The following ATP8B3 variants were observed in gnomAD, a reference collection of about 807,000 sequenced individuals.
The protein encoded by ATP8B3 is ATPase phospholipid transporting 8B3, also known as phospholipid-transporting ATPase IK.
A neutral mutation model predicts 140.9 loss-of-function variants in ATP8B3; 141 were observed. That is an observed-to-expected ratio of 1.00 (90% confidence interval 0.87 to 1.15). The LOEUF is 1.15. Among genes scored for constraint, ATP8B3 ranks in the 50% most tolerant of loss-of-function variants. ATP8B3 has a pLI of 0.00. For synonymous variants in ATP8B3, 765 were observed against 714.6 expected, an observed-to-expected ratio of 1.07 and a Z score of -1.13; for missense variants, 1,874 against 1,740.6, an observed-to-expected ratio of 1.08 and a Z score of -1.36.
chr19:1,804,651 C>T (rs538065954), intron 10 of ATP8B3, among the ~76,000 whole-genome samples: 9 of 151,298 alleles, frequency 5.9e-5, no homozygotes, highest in East Asian at 1.9e-4. Flanking sequence ...ATTAAAAATA[C>T]AAAAATTAGC....
chr19:1,793,490 CCCCT>C (rs2068578316), intron 18 of ATP8B3, among the ~76,000 whole-genome samples: 1 of 152,194 alleles, frequency 6.6e-6, no homozygotes, highest in Non-Finnish European at 1.5e-5. Context: ...CAGTCCCAGG[CCCCT>C]CCCTCTGACC....
At chr19:1,785,123 C>T in intron 27 of ATP8B3, 36 bp downstream of exon 27, 2 of 1,510,670 alleles carry the variant, frequency 1.3e-6, no homozygotes, top group South Asian at 1.3e-5. Flanking sequence ...TCCCCTGCAC[C>T]ACGACCGCCC....
In ATP8B3 at chr19:1,809,131, G is replaced by A. The variant is rs374636058; in HGVS notation, c.402+512C>T. ...AGAGGTTGCAGTGAGCCGAGATCTC[G>A]CCACTGCATTCCAGCCTGGGCGACA... On this transcript the variant is annotated intron_variant, in intron 4 of 28. Transcript: ENST00000310127. 4.4e-3 allele frequency among the ~76,000 whole-genome samples: 674 copies of A among 152,010 alleles called. 3 individuals carry two copies. Among genetic ancestry groups the A allele is most frequent in the African/African-American group, 0.016 (650 of 41,418 alleles).
Position 1,805,248 on chromosome 19 carries a change from T to G in ATP8B3, c.904+126A>C. On this transcript the variant is annotated intron_variant, in intron 10 of 28. Coordinates refer to ENST00000310127, the MANE Select transcript of ATP8B3 (RefSeq NM_138813.4). This position sits in a 1 kb window ranked among gnomAD's most constrained non-coding sequence, Gnocchi z 5.2. ...CCTCAGCCTCCCAAAGTGCTGGGATTCCAGGTGTGAGCCACTGGGCCTGGC... is the reference window on the plus strand; with the variant it reads ...CCTCAGCCTCCCAAAGTGCTGGGATGCCAGGTGTGAGCCACTGGGCCTGGC... The G allele has an allele frequency of 1.1e-6, 1 of 912,726 alleles. No homozygotes were observed. Among genetic ancestry groups the G allele is most frequent in the Non-Finnish European group, 1.7e-6 (1 of 574,372 alleles). The allele number at this position is 912,726 out of a possible 1,614,324, so 56.5% of individuals were successfully genotyped here. A position where few individuals can be genotyped will look rare whatever the true frequency, so the allele number is the denominator to read the frequency against.
rs1015271082 is a variant in ATP8B3, at chr19:1,805,526, C to T, written c.822-70G>A. 4 of 1,302,158 alleles carry T rather than the reference C, an allele frequency of 3.1e-6. No homozygotes were observed. The South Asian group carries it at 5.1e-5, about 17-fold the overall frequency. The allele number at this position is 1,302,158 out of a possible 1,614,324, so 80.7% of individuals were successfully genotyped here. On this transcript the variant is annotated intron_variant, in intron 9 of 28. Coordinates refer to ENST00000310127, the MANE Select transcript of ATP8B3 (RefSeq NM_138813.4). The surrounding 1 kb of genome is among the most constrained non-coding windows in gnomAD (Gnocchi z 5.2). Reference sequence around the variant, plus strand: ...GCTTCGAGGAGCCCCCAGACCCCTTCTGGAGTCACTCAAACATTTTCACTG... The same window carrying T: ...GCTTCGAGGAGCCCCCAGACCCCTTTTGGAGTCACTCAAACATTTTCACTG...
Position 1,801,958 on chromosome 19 carries a change from C to T in ATP8B3, c.1150G>A (p.Val384Met). 1 of 1,612,022 alleles carries T rather than the reference C, an allele frequency of 6.2e-7. No homozygotes were observed. The highest frequency in any genetic ancestry group is 1.3e-5 in the African/African-American group (1 of 74,976). The change falls in exon 12 of 29, where the codon GTG becomes ATG. Residue 384 changes from valine to methionine, a missense_variant and splice_region_variant. Physicochemically the swap from Val to Met is conservative, Grantham distance 21. Transcript: ENST00000310127. ...LDLLMNKLVV[V>M]IFISVVLVCL... ...AGGGGCACTTGTTGGCAGCTCACCA[C>T]AACCACCAGCTTGTTCATCAGGAGG...
At chr19:1,791,445 T>C (rs113258843) in intron 20 of ATP8B3, among the ~76,000 whole-genome samples, 1 of 151,402 alleles carries the variant, frequency 6.6e-6, no homozygotes, top group African/African-American at 2.4e-5. Flanking sequence ...TGGAGTGCAA[T>C]GGTGCGATCT....
At chr19:1,787,013 C>A in intron 25 of ATP8B3, 90 bp downstream of exon 25, 1 of 1,303,816 alleles carries the variant, frequency 7.7e-7, no homozygotes, top group South Asian at 1.3e-5. Flanking sequence ...GAAGGTCTCC[C>A]AGGCTCCCTC....
chr19:1,802,732 G>A (rs111254127), intron 10 of ATP8B3, 87 bp from the exon 11 acceptor site: 907 of 1,470,410 alleles, frequency 6.2e-4, no homozygotes, highest in Non-Finnish European at 7.7e-4. Flanking sequence ...AGAACATTCC[G>A]GCCACCCTCA....
chr19:1,790,906 C>T, intron 20 of ATP8B3, 74 bp from the exon 21 acceptor site: 1 of 1,378,572 alleles, frequency 7.3e-7, no homozygotes, highest in South Asian at 1.3e-5. Context: ...CCCACTCTGC[C>T]CGGTGAATCC....
intron 20 of ATP8B3, 31 bp from the exon 21 acceptor site, chr19:1,790,863 G>T (rs943922890): frequency 4.7e-5 from 74 of 1,561,550 alleles, no homozygotes; most frequent in Non-Finnish European, 6.1e-5. Flanking sequence ...GCGCCTCTGC[G>T]ACCCGCCCCG....
chr19:1,798,476 C>T lies in ATP8B3; in HGVS notation c.1552+1471G>A, dbSNP rs973630742. ...TTTTGTGGCCGGGCGCGGTGGCTCA[C>T]GCCTGTAATCCCAGCACTTTGGGAG... On this transcript the variant is annotated intron_variant, in intron 14 of 28. Transcript: ENST00000310127. 9.2e-5 allele frequency among the ~76,000 whole-genome samples: 14 copies of T among 152,072 alleles called. 1 individual carries two copies. Among genetic ancestry groups the T allele is most frequent in the African/African-American group, 1.2e-4 (5 of 41,340 alleles).
At chr19:1,797,143 C>T in intron 14 of ATP8B3, 138 bp from the exon 15 acceptor site, 8 of 1,347,302 alleles carry the variant, frequency 5.9e-6, no homozygotes, top group South Asian at 1.3e-5. Flanking sequence ...CTGGAACCGA[C>T]ACCCCGAGCA....
rs1315666737 is a variant in ATP8B3, at chr19:1,796,886, G to A, written c.1585-7C>T. On this transcript the variant is annotated splice_region_variant and splice_polypyrimidine_tract_variant and intron_variant, in intron 15 of 28. Coordinates refer to ENST00000310127, the MANE Select transcript of ATP8B3 (RefSeq NM_138813.4). Reference sequence around the variant, plus strand: ...TCCAGAGGTAGGGGTTCTCCTGGGGGTGGCGGGGGCACGGGCCGGCTGTGG... The same window carrying A: ...TCCAGAGGTAGGGGTTCTCCTGGGGATGGCGGGGGCACGGGCCGGCTGTGG... 6.2e-7 allele frequency: 1 copy of A among 1,611,164 alleles called. No individual in the cohort carries two copies. Among genetic ancestry groups the A allele is most frequent in the South Asian group, 1.1e-5 (1 of 90,982 alleles).
chr19:1,797,672 G>T (rs1325828808), intron 14 of ATP8B3, among the ~76,000 whole-genome samples: 1 of 151,558 alleles, frequency 6.6e-6, no homozygotes, highest in African/African-American at 2.4e-5. Context: ...GCTCATTTTT[G>T]TATTTTTAGT....
Position 1,805,786 on chromosome 19 carries a change from G to C in ATP8B3, c.821+102C>G. 7.0e-7 allele frequency: 1 copy of C among 1,429,674 alleles called. No individual in the cohort carries two copies. Among genetic ancestry groups the C allele is most frequent in the Non-Finnish European group, 9.7e-7 (1 of 1,033,630 alleles). The allele number at this position is 1,429,674 out of a possible 1,614,324, so 88.6% of individuals were successfully genotyped here. A position where few individuals can be genotyped will look rare whatever the true frequency, so the allele number is the denominator to read the frequency against. On this transcript the variant is annotated intron_variant, in intron 9 of 28. Coordinates refer to ENST00000310127, the MANE Select transcript of ATP8B3 (RefSeq NM_138813.4). The surrounding 1 kb of genome is among the most constrained non-coding windows in gnomAD (Gnocchi z 5.2). ...CATGGGGTGAGTGACCAAAGTCTCT[G>C]AGCGACCTTGGCTGGCCGCCTCCTT...
chr19:1,784,296 C>T (rs1378196005), intron 28 of ATP8B3, among the ~76,000 whole-genome samples: 1 of 152,128 alleles, frequency 6.6e-6, no homozygotes, highest in Non-Finnish European at 1.5e-5. Flanking sequence ...AGGAGGATTG[C>T]GTGAGCCCAG....
At chr19:1,810,783 A>C in intron 2 of ATP8B3, 100 bp from the exon 3 acceptor site, 15 of 1,080,324 alleles carry the variant, frequency 1.4e-5, no homozygotes, top group Non-Finnish European at 1.8e-5. Flanking sequence ...CGACCCTCTC[A>C]AATGCTACCT....
rs766046405 is a variant in ATP8B3 at position 1,795,924 on chromosome 19, C to T, written c.2006G>A (p.Arg669His). Residue 669 changes from arginine (R) to histidine (H), a missense_variant, in exon 18 of 29, where the codon CGC (arginine) becomes CAC (histidine). By Grantham distance (29) the Arg-to-His change is conservative (BLOSUM62 0). Around this residue, in one of 3 missense-constraint regions of ATP8B3, gnomAD observed 1,032 missense variants for 963.6 expected, o/e 1.07. Transcript: ENST00000310127. ...TKGADTVIFERLHRRGAMEFA... is the reference protein window; with the variant it reads ...TKGADTVIFEHLHRRGAMEFA... ...TTCCATTGCCCCCCTCCTGTGCAAG[C>T]GTTCGAAGATGACCGTGTCGGCGCC... 19 of 1,613,040 alleles carry T rather than the reference C, an allele frequency of 1.2e-5. No individual in the cohort carries two copies. In the Admixed American group the frequency reaches 2.3e-4, roughly 20 times the overall value.
Sources: allele counts gnomAD v4.1 joint callset (sites outside exome capture counted in the v4.1 genomes callset), GRCh38; gene constraint gnomAD v4.1.1; regional missense constraint gnomAD v4.1.1; non-coding constraint Gnocchi (gnomAD v3.1); transcripts MANE v1.5; gene names NCBI Gene and HGNC (gene_info 2026-07-23, HGNC 2026-07-21).